MS4A10: variants seen among roughly 807,000 people sequenced by gnomAD.
The protein encoded by MS4A10 is membrane spanning 4-domains A10.
MS4A10 carries 27 observed loss-of-function variants against 27.7 expected under a neutral mutation model. The ratio of observed to expected loss-of-function variants is 0.98; its 90% CI spans 0.72 to 1.35. The LOEUF is 1.35. MS4A10 is among the 40% of genes most tolerant of loss of function. The pLI, the probability that MS4A10 is intolerant of heterozygous loss-of-function variation, is 0.00. For missense variants in MS4A10, 338 were observed against 324.7 expected, an observed-to-expected ratio of 1.04 and a Z score of -0.32; for synonymous variants, 139 against 131.2, an observed-to-expected ratio of 1.06 and a Z score of -0.41.
chr11:60,790,591 G>A, intron 2 of MS4A10, 73 bp downstream of exon 2: 2 of 1,540,000 alleles, frequency 1.3e-6, no homozygotes, highest in Non-Finnish European at 1.8e-6. Flanking sequence ...ATGCTGGGGG[G>A]CCCCAAGGGA....
At chr11:60,794,847 G>A (rs1379138933) in intron 5 of MS4A10, among the ~76,000 whole-genome samples, 1 of 151,990 alleles carries the variant, frequency 6.6e-6, no homozygotes, top group Non-Finnish European at 1.5e-5. Context: ...ACCACGCCAG[G>A]CTAATTTTTG....
Position 60,798,563 on chromosome 11 carries a change from G to A in MS4A10, c.722+49G>A, listed in dbSNP as rs775724097. On this transcript the variant is annotated intron_variant, in intron 7 of 7. Coordinates refer to ENST00000308287, the MANE Select transcript of MS4A10 (RefSeq NM_206893.4). ...CCCAGACCTTCAGAACCCACGCTTGGCCCCTTCTCCCTGGCATAGATAGAA... is the reference window on the plus strand; with the variant it reads ...CCCAGACCTTCAGAACCCACGCTTGACCCCTTCTCCCTGGCATAGATAGAA... 2.1e-6 allele frequency: 3 copies of A among 1,418,794 alleles called. No individual in the cohort carries two copies. The South Asian group carries it at 3.5e-5, about 16-fold the overall frequency. The allele number at this position is 1,418,794 out of a possible 1,614,324, so 87.9% of individuals were successfully genotyped here.
At chr11:60,797,786 G>A (rs933217330) in intron 6 of MS4A10, among the ~76,000 whole-genome samples, 10 of 152,178 alleles carry the variant, frequency 6.6e-5, no homozygotes, top group South Asian at 2.1e-4. Context: ...TGAATCTCAC[G>A]GCCATTCTGG....
chr11:60,787,322 G>T (rs946551086), intron 1 of MS4A10, among the ~76,000 whole-genome samples: 1 of 152,192 alleles, frequency 6.6e-6, no homozygotes, highest in Non-Finnish European at 1.5e-5. Context: ...GCCCTGCACA[G>T]GTCCTGGAAG....
At chr11:60,786,738 G>A (rs890437296) in intron 1 of MS4A10, among the ~76,000 whole-genome samples, 2 of 152,134 alleles carry the variant, frequency 1.3e-5, no homozygotes, top group African/African-American at 4.8e-5. Context: ...TCACTGGTGG[G>A]ATTCTAGACA....
At chr11:60,793,335 A>G (rs1281056095) in intron 4 of MS4A10, among the ~76,000 whole-genome samples, 1 of 152,248 alleles carries the variant, frequency 6.6e-6, no homozygotes, top group Non-Finnish European at 1.5e-5. Context: ...CCTGAGCATA[A>G]GGACACTCTT....
In MS4A10 at chr11:60,798,494, A is replaced by G. The variant is rs1245863968; in HGVS notation, c.702A>G (p.Ala234=). 4 of 1,613,972 alleles carry G rather than the reference A, an allele frequency of 2.5e-6. No individual in the cohort carries two copies. The highest frequency in any genetic ancestry group is 2.5e-6 in the Non-Finnish European group (3 of 1,179,898). Residue 234 remains alanine (A), a synonymous_variant, in exon 7 of 8, where the codon GCA becomes GCG. Coordinates refer to ENST00000308287, the MANE Select transcript of MS4A10 (RefSeq NM_206893.4). ...PSYQSVIQGD[A]QHKQHQRLRE... ...ACCAGAGTGTGATTCAAGGCGACGC[A>G]CAACACAAGCAACATCAGAGGTGAA... is the stretch of plus-strand genomic sequence containing the variant.
rs750950826 is a variant in MS4A10, at chr11:60,795,580, C to T, written c.518C>T (p.Ala173Val). 5.7e-6 allele frequency: 9 copies of T among 1,579,844 alleles called. No homozygotes were observed. The South Asian group carries it at 8.2e-5, about 14-fold the overall frequency. ...GTCCACATCCAGAGGCTGGAGCTGG[C>T]CTTGCTCTGCTTCACTGTCCTAGAG... is the stretch of plus-strand genomic sequence containing the variant. ...STVHIQRLEL[A>V]LLCFTVLELF... Residue 173 changes from alanine to valine, a missense_variant, in exon 6 of 8, where the codon GCC becomes GTC. Transcript: ENST00000308287.
intron 6 of MS4A10, among the ~76,000 whole-genome samples, chr11:60,796,294 T>C (rs561069027): frequency 2.0e-5 from 3 of 152,280 alleles, no homozygotes; most frequent in South Asian, 2.1e-4. Flanking sequence ...ATAACCCTTT[T>C]TCTTTTGAGA....
At chr11:60,788,025 GAAATAAAT>G (rs71471805) in intron 1 of MS4A10, among the ~76,000 whole-genome samples, 3,895 of 151,108 alleles carry the variant, frequency 0.026, 69 homozygotes, top group South Asian at 0.056. Context: ...CTCAAAAATA[GAAATAAAT>G]AAATAAATAA....
At chr11:60,790,221 G>A (rs548256311) in intron 1 of MS4A10, 93 bp from the exon 2 acceptor site, 68 of 1,074,148 alleles carry the variant, frequency 6.3e-5, no homozygotes, top group South Asian at 3.1e-4. Flanking sequence ...GGAAAGATCT[G>A]GTCCCTTAAA....
chr11:60,787,220 G>A (rs980924773), intron 1 of MS4A10, among the ~76,000 whole-genome samples: 2 of 152,136 alleles, frequency 1.3e-5, no homozygotes, highest in African/African-American at 2.4e-5. Context: ...AGGGGGCTGG[G>A]GTTGGGCGGG....
rs761240776 is a variant in MS4A10, at chr11:60,790,993, C to T, written c.203C>T (p.Ala68Val). The change falls in exon 3 of 8, where the codon GCT (alanine) becomes GTT (valine). Residue 68 changes from alanine to valine, a missense_variant. Physicochemically the swap from Ala to Val is moderately conservative, Grantham distance 64. Transcript: ENST00000308287. ...ACCCAGGCCTTCCACATCACCATCG[C>T]TCTGCTGCACCTGGTCTTTGGGGGC... ...KELGAFHITI[A>V]LLHLVFGGYL... 9.3e-6 allele frequency: 15 copies of T among 1,614,194 alleles called. No homozygotes were observed. The South Asian group carries it at 1.3e-4, about 14-fold the overall frequency.
At chr11:60,791,411 C>T (rs1038711068) in intron 3 of MS4A10, among the ~76,000 whole-genome samples, 1 of 152,224 alleles carries the variant, frequency 6.6e-6, no homozygotes, top group Admixed American at 6.5e-5. Context: ...TCTTCCCCAG[C>T]CTTCTGAGCA....
Position 60,794,226 on chromosome 11 carries a change from C to A in MS4A10, c.492+123C>A, listed in dbSNP as rs1309003690. ...GAGCCCAGGTGTGGGCTGCTGGGCCCTTTGCCAACCTGTTTCTGTCCCCTA... is the reference window on the plus strand; with the variant it reads ...GAGCCCAGGTGTGGGCTGCTGGGCCATTTGCCAACCTGTTTCTGTCCCCTA... On this transcript the variant is annotated intron_variant, in intron 5 of 7. Coordinates refer to ENST00000308287, the MANE Select transcript of MS4A10 (RefSeq NM_206893.4). 4.0e-5 allele frequency: 45 copies of A among 1,119,554 alleles called. No homozygotes were observed. The East Asian group carries it at 1.0e-3, about 26-fold the overall frequency. 69.4% of individuals were successfully genotyped at this position (1,119,554 alleles called of 1,614,324 possible). A position where few individuals can be genotyped will look rare whatever the true frequency, so the allele number is the denominator to read the frequency against.
intron 1 of MS4A10, 62 bp downstream of exon 1, chr11:60,785,483 G>C (rs1854320446): frequency 2.0e-5 from 3 of 152,426 alleles, no homozygotes; most frequent in African/African-American, 7.2e-5. Flanking sequence ...TGTGGAGTTG[G>C]GGGGTTGCTC....
At chr11:60,787,808 G>A (rs762625356) in intron 1 of MS4A10, among the ~76,000 whole-genome samples, 3 of 152,012 alleles carry the variant, frequency 2.0e-5, no homozygotes, top group Non-Finnish European at 2.9e-5. Flanking sequence ...ACCTGAGGTC[G>A]GGAGTTTGAG....
intron 1 of MS4A10, among the ~76,000 whole-genome samples, chr11:60,786,916 G>A (rs760596916): frequency 2.0e-5 from 3 of 152,202 alleles, no homozygotes; most frequent in African/African-American, 7.2e-5. Context: ...GTAAAAAACC[G>A]GCCCAAGGTC....
chr11:60,792,331 C>T lies in MS4A10; in HGVS notation c.360+10C>T, dbSNP rs759606112. 9.6e-5 allele frequency: 152 copies of T among 1,583,092 alleles called. No homozygotes were observed. The highest frequency in any genetic ancestry group is 1.2e-4 in the Admixed American group (7 of 59,960). ...TTCTAAAACTTACCTGGTGAGTGGG[C>T]ACACTGAGATCATTCTCTTCCATCT... On this transcript the variant is annotated intron_variant, in intron 4 of 7. Coordinates refer to ENST00000308287, the MANE Select transcript of MS4A10 (RefSeq NM_206893.4).
Sources: allele counts gnomAD v4.1 joint callset (sites outside exome capture counted in the v4.1 genomes callset), GRCh38; gene constraint gnomAD v4.1.1; transcripts MANE v1.5; gene names NCBI Gene and HGNC (gene_info 2026-07-23, HGNC 2026-07-21).